The following ADAM12 variants were observed in gnomAD, a reference collection of about 807,000 sequenced individuals.
ADAM12 encodes disintegrin and metalloproteinase domain-containing protein 12.
A neutral mutation model predicts 106.4 loss-of-function variants in ADAM12; 70 were observed. That is an observed-to-expected ratio of 0.66 (90% CI 0.54 to 0.80). The LOEUF (loss-of-function observed/expected upper bound fraction) is 0.80, where lower values mean the gene tolerates loss of function less well. Among genes scored for constraint, ADAM12 ranks in the 30% least tolerant of loss-of-function variants. The pLI is 0.00. For missense variants in ADAM12, 1,010 were observed against 1,171.9 expected (o/e 0.86, Z 2.02); for synonymous variants, 420 against 433.5 (o/e 0.97, Z 0.39).
rs1293516492 is a variant in ADAM12, at chr10:126,014,286, A to G, written c.*2993T>C. 6.9e-6 allele frequency: 1 copy of G among 145,040 alleles called. No homozygotes were observed. The highest frequency in any genetic ancestry group is 2.0e-4 in the East Asian group (1 of 4,928). 9.0% of individuals were successfully genotyped at this position (145,040 alleles called of 1,614,324 possible). On this transcript the variant is annotated 3_prime_UTR_variant, in exon 23 of 23. Transcript: ENST00000448723. ...GCACCGTGGAGACCATAGGCTCCTT[A>G]AGAACATTTTGACACAGTTTTAGCC... is the stretch of plus-strand genomic sequence containing the variant.
chr10:126,319,802 A>T (rs1209502557), intron 2 of ADAM12, among the ~76,000 whole-genome samples: 1 of 152,144 alleles, frequency 6.6e-6, no homozygotes, highest in Non-Finnish European at 1.5e-5. Flanking sequence ...TATCTTTGCA[A>T]TTTTTTTATA....
At chr10:126,130,410 A>C (rs1220665982) in intron 5 of ADAM12, among the ~76,000 whole-genome samples, 3 of 152,088 alleles carry the variant, frequency 2.0e-5, no homozygotes, top group Admixed American at 1.3e-4. Flanking sequence ...CACAGTGAGG[A>C]GTTCATTAGA....
At chr10:126,307,000 G>C (rs1960874237) in intron 2 of ADAM12, among the ~76,000 whole-genome samples, 1 of 152,056 alleles carries the variant, frequency 6.6e-6, no homozygotes, top group Non-Finnish European at 1.5e-5. Flanking sequence ...GTTATATGTA[G>C]TTACACTTTT....
chr10:126,052,288 T>C (rs574210335), intron 14 of ADAM12, among the ~76,000 whole-genome samples: 15 of 152,276 alleles, frequency 9.9e-5, no homozygotes, highest in African/African-American at 3.1e-4. Flanking sequence ...AATGGCTTTG[T>C]TGCTTCTTTC....
chr10:126,075,631 GA>G (rs1565036954), intron 11 of ADAM12, among the ~76,000 whole-genome samples: 1 of 152,182 alleles, frequency 6.6e-6, no homozygotes, highest in Non-Finnish European at 1.5e-5. Flanking sequence ...TCACCAGTAA[GA>G]GGGTCATTTG....
intron 1 of ADAM12, among the ~76,000 whole-genome samples, chr10:126,376,771 A>G (rs543558079): frequency 6.6e-6 from 1 of 152,340 alleles, no homozygotes; most frequent in Non-Finnish European, 1.5e-5. Context: ...GTTCATATGG[A>G]AACACTAAAG....
At chr10:126,219,442 CG>C (rs1958049493) in intron 3 of ADAM12, among the ~76,000 whole-genome samples, 1 of 152,108 alleles carries the variant, frequency 6.6e-6, no homozygotes, top group Non-Finnish European at 1.5e-5. Context: ...TAGCTATGTG[CG>C]ACACAGACAT....
chr10:126,191,384 G>C (rs930153166), intron 3 of ADAM12, among the ~76,000 whole-genome samples: 3 of 152,116 alleles, frequency 2.0e-5, no homozygotes, highest in African/African-American at 7.2e-5. Context: ...GGATAGATGG[G>C]GGTGAGCAGC....
intron 10 of ADAM12, among the ~76,000 whole-genome samples, chr10:126,095,417 C>T (rs539453198): frequency 2.6e-4 from 39 of 151,588 alleles, no homozygotes; most frequent in Middle Eastern, 6.8e-3. Flanking sequence ...GCCTGTAGTC[C>T]CAGCTACTCT....
At chr10:126,072,388 T>A (rs1331016280) in intron 11 of ADAM12, among the ~76,000 whole-genome samples, 2 of 152,174 alleles carry the variant, frequency 1.3e-5, no homozygotes, top group African/African-American at 4.8e-5. Flanking sequence ...GTGGGCTGTA[T>A]GACATTCTTG....
At chr10:126,375,909 CT>C (rs111857581) in intron 1 of ADAM12, among the ~76,000 whole-genome samples, 25,885 of 144,884 alleles carry the variant, frequency 0.18, 2,373 homozygotes, top group Middle Eastern at 0.28. Flanking sequence ...ACATATATGA[CT>C]TTTTTTTTTT....
intron 2 of ADAM12, among the ~76,000 whole-genome samples, chr10:126,279,809 A>C (rs1959475867): frequency 6.6e-6 from 1 of 152,128 alleles, no homozygotes; most frequent in South Asian, 2.1e-4. Flanking sequence ...AAACTCAAGG[A>C]GACCTCATTC....
At chr10:126,102,915 A>C (rs930206658) in intron 8 of ADAM12, among the ~76,000 whole-genome samples, 2 of 152,184 alleles carry the variant, frequency 1.3e-5, no homozygotes, top group African/African-American at 4.8e-5. Flanking sequence ...CAAAGGTAAC[A>C]GTGATCAGAA....
At chr10:126,021,688 A>T (rs904814630) in intron 21 of ADAM12, among the ~76,000 whole-genome samples, 5 of 152,246 alleles carry the variant, frequency 3.3e-5, no homozygotes, top group African/African-American at 7.2e-5. Flanking sequence ...CCACATACAC[A>T]CACAGTATCC....
intron 4 of ADAM12, among the ~76,000 whole-genome samples, chr10:126,140,137 C>A (rs762523481): frequency 3.9e-5 from 6 of 152,156 alleles, no homozygotes; most frequent in Non-Finnish European, 5.9e-5. Context: ...TAACCAGAAT[C>A]ACTGGGTTTT....
At chr10:126,160,624 C>T (rs1483585801) in intron 3 of ADAM12, among the ~76,000 whole-genome samples, 1 of 152,216 alleles carries the variant, frequency 6.6e-6, no homozygotes, top group African/African-American at 2.4e-5. Flanking sequence ...CCATGCAGGG[C>T]TTTGTGTGCC....
At chr10:126,323,715 C>A in intron 2 of ADAM12, among the ~76,000 whole-genome samples, 1 of 152,246 alleles carries the variant, frequency 6.6e-6, no homozygotes, top group East Asian at 1.9e-4. Context: ...ACTCTGTGAT[C>A]GCGCCAGAGA....
At chr10:126,384,984 G>T (rs1856612196) in intron 1 of ADAM12, among the ~76,000 whole-genome samples, 1 of 152,344 alleles carries the variant, frequency 6.6e-6, no homozygotes, top group Non-Finnish European at 1.5e-5. Flanking sequence ...CTAGCTATAA[G>T]TTGGGGGTCC....
chr10:126,177,715 A>G (rs550377589), intron 3 of ADAM12, among the ~76,000 whole-genome samples: 15 of 152,214 alleles, frequency 9.9e-5, no homozygotes, highest in African/African-American at 3.6e-4. Context: ...AACAACAACA[A>G]AAAAATGAAT....
Sources: allele counts gnomAD v4.1 joint callset (sites outside exome capture counted in the v4.1 genomes callset), GRCh38; gene constraint gnomAD v4.1.1; transcripts MANE v1.5; gene names NCBI Gene and HGNC (gene_info 2026-07-23, HGNC 2026-07-21).